Variants in KALRN observed in about 807,000 individuals in gnomAD.
KALRN encodes kalirin.
In KALRN, 70 loss-of-function variants were observed where a neutral mutation model predicts 353.7. The ratio of observed to expected loss-of-function variants is 0.20; its 90% CI spans 0.16 to 0.24. The LOEUF is 0.24. Among genes scored for constraint, KALRN ranks in the 10% least tolerant of loss-of-function variants. The pLI is 1.00. For synonymous variants in KALRN, 1,391 were observed against 1,434.8 expected (o/e 0.97, Z 0.69); for missense variants, 2,791 against 3,756.7 (o/e 0.74, Z 6.72).
chr3:124,366,799 C>T (rs2084774009), intron 10 of KALRN, among the ~76,000 whole-genome samples: 1 of 151,408 alleles, frequency 6.6e-6, no homozygotes, highest in Admixed American at 6.5e-5. Context: ...AGGCGCCCCT[C>T]ACCTCCCGGA....
At chr3:124,712,756 C>T in intron 57 of KALRN, among the ~76,000 whole-genome samples, 179 bp from the exon 58 acceptor site, 1 of 150,166 alleles carries the variant, frequency 6.7e-6, no homozygotes, top group East Asian at 1.9e-4. Context: ...CTCAAAAACC[C>T]TAAAATGCTA....
At chr3:124,093,569 G>A (rs1382604702) in intron 1 of KALRN, among the ~76,000 whole-genome samples, 3 of 152,228 alleles carry the variant, frequency 2.0e-5, no homozygotes, top group Non-Finnish European at 4.4e-5. Context: ...ATGCCCAGGG[G>A]CTGAGGTCTC....
At chr3:124,644,777 C>T (rs986856486) in intron 37 of KALRN, among the ~76,000 whole-genome samples, 2 of 152,166 alleles carry the variant, frequency 1.3e-5, no homozygotes, top group Admixed American at 6.5e-5. Flanking sequence ...AACAGTGCTG[C>T]AATAAACATA....
At chr3:124,361,963 C>A (rs116643336) in intron 10 of KALRN, among the ~76,000 whole-genome samples, 1,932 of 152,198 alleles carry the variant, frequency 0.013, 34 homozygotes, top group African/African-American at 0.042. Flanking sequence ...TCCTGCTGGT[C>A]CAGGTGTGAT....
intron 1 of KALRN, among the ~76,000 whole-genome samples, chr3:124,097,690 A>C (rs906825514): frequency 1.3e-5 from 2 of 152,234 alleles, no homozygotes; most frequent in Non-Finnish European, 2.9e-5. Flanking sequence ...TGATGATTGC[A>C]GACTAATCTT....
At chr3:124,642,802 CCTCG>C (rs1578585261) in intron 37 of KALRN, among the ~76,000 whole-genome samples, 54 of 60,022 alleles carry the variant, frequency 9.0e-4, no homozygotes, top group East Asian at 2.7e-3. Context: ...GATTCCCAAG[CCTCG>C]TTTTTTTTTT....
In KALRN at chr3:124,116,671, A is replaced by G. The variant is rs113598847; in HGVS notation, c.73+82858A>G. Among the ~76,000 whole-genome samples the G allele has an allele frequency of 9.1e-3, 1,383 of 152,322 alleles. 10 individuals carry two copies. Among genetic ancestry groups the G allele is most frequent in the Non-Finnish European group, 0.014 (940 of 68,036 alleles). ...ACAGATAGTACTGAATCCTAAATAT[A>G]CTATGTTTTTTCCCTGTATGTTCAT... On this transcript the variant is annotated intron_variant, in intron 1 of 59. Coordinates refer to ENST00000682506, the MANE Select transcript of KALRN (RefSeq NM_001388419.1).
intron 14 of KALRN, among the ~76,000 whole-genome samples, chr3:124,419,575 G>A (rs2092684741): frequency 6.6e-6 from 1 of 152,084 alleles, no homozygotes; most frequent in African/African-American, 2.4e-5. Flanking sequence ...TATTTATTGG[G>A]TGATATGAGT....
chr3:124,655,412 G>A (rs4677938), intron 38 of KALRN, among the ~76,000 whole-genome samples, 189 bp from the exon 39 acceptor site: 37,890 of 152,122 alleles, frequency 0.25, 4,894 homozygotes, highest in East Asian at 0.41. Context: ...TCTGGCCTTG[G>A]TGTCCTCAGC....
chr3:124,383,201 A>G (rs1024642828), intron 10 of KALRN, among the ~76,000 whole-genome samples: 1 of 152,206 alleles, frequency 6.6e-6, no homozygotes, highest in African/African-American at 2.4e-5. Context: ...CCTAGAAGCC[A>G]AGACAAGTGT....
At chr3:124,538,207 G>A (rs1006709798) in intron 33 of KALRN, among the ~76,000 whole-genome samples, 1 of 152,026 alleles carries the variant, frequency 6.6e-6, no homozygotes, top group Non-Finnish European at 1.5e-5. Flanking sequence ...CTTGATATAG[G>A]AACCAAAGAA....
intron 15 of KALRN, among the ~76,000 whole-genome samples, chr3:124,429,865 T>G (rs1440530675): frequency 6.6e-6 from 1 of 152,246 alleles, no homozygotes; most frequent in Non-Finnish European, 1.5e-5. Flanking sequence ...ACTTCTATTT[T>G]GCTTGTTTTC....
Position 124,072,200 on chromosome 3 carries a change from A to G in KALRN, c.73+38387A>G, listed in dbSNP as rs1471473202. 3.9e-5 allele frequency among the ~76,000 whole-genome samples: 6 copies of G among 152,286 alleles called. No individual in the cohort carries two copies. In the East Asian group the frequency reaches 1.2e-3, roughly 29 times the overall value. On this transcript the variant is annotated intron_variant, in intron 1 of 59. Transcript: ENST00000682506. ...AGTGGATATCAATTTTCTAAATACA[A>G]TCCAGGAACATATTACACTTCCTTC...
intron 1 of KALRN, among the ~76,000 whole-genome samples, chr3:124,218,519 T>C (rs1179858083): frequency 6.6e-6 from 1 of 152,210 alleles, no homozygotes; most frequent in Admixed American, 6.5e-5. Context: ...CCAACAGCAG[T>C]GCTTAAAGTA....
chr3:124,614,654 T>C (rs57418675), intron 34 of KALRN, among the ~76,000 whole-genome samples: 22,317 of 150,932 alleles, frequency 0.15, 1,812 homozygotes, highest in Middle Eastern at 0.24. Context: ...CACTGCAGCC[T>C]CAACCTCCTG....
At chr3:124,126,807 A>G (rs1002893405) in intron 1 of KALRN, among the ~76,000 whole-genome samples, 5 of 152,244 alleles carry the variant, frequency 3.3e-5, no homozygotes, top group African/African-American at 9.6e-5. Context: ...TCATTGTCAC[A>G]TGGCAAATGG....
At chr3:124,275,915 T>C (rs2034173) in intron 5 of KALRN, among the ~76,000 whole-genome samples, 144,144 of 152,210 alleles carry the variant, frequency 0.95, 68,749 homozygotes, top group East Asian at 1. Flanking sequence ...GGAGTCAGGG[T>C]GGGGACATCC....
chr3:124,491,209 A>G (rs1577380424), intron 30 of KALRN, 114 bp from the exon 31 acceptor site: 2 of 640,980 alleles, frequency 3.1e-6, no homozygotes, highest in Non-Finnish European at 5.2e-6. Flanking sequence ...TTTGATTGAC[A>G]GAAGCCCCTC....
chr3:124,633,704 T>G, intron 35 of KALRN, 148 bp from the exon 36 acceptor site: 1 of 625,904 alleles, frequency 1.6e-6, no homozygotes, highest in Non-Finnish European at 2.9e-6. Context: ...GGTGTATCCA[T>G]GTATCAAAAG....
Sources: allele counts gnomAD v4.1 joint callset (sites outside exome capture counted in the v4.1 genomes callset), GRCh38; gene constraint gnomAD v4.1.1; transcripts MANE v1.5; gene names NCBI Gene and HGNC (gene_info 2026-07-23, HGNC 2026-07-21).